IFT140: variants seen among roughly 807,000 people sequenced by gnomAD.
IFT140 encodes the protein intraflagellar transport 140.
IFT140 carries 133 observed loss-of-function variants against 164.6 expected under a neutral mutation model. The ratio of observed to expected loss-of-function variants is 0.81; its 90% CI spans 0.70 to 0.93. IFT140 has a LOEUF of 0.93. Ranked by LOEUF, IFT140 falls within the 40% of genes least tolerant of loss-of-function variation. IFT140 has a pLI of 0.00. For missense variants in IFT140, 2,045 were observed against 1,972.3 expected (o/e 1.04, Z -0.70); for synonymous variants, 860 against 817.3 (o/e 1.05, Z -0.89).
At chr16:1,549,843 C>A (rs914064784) in intron 19 of IFT140, among the ~76,000 whole-genome samples, 2 of 152,252 alleles carry the variant, frequency 1.3e-5, no homozygotes, top group Non-Finnish European at 2.9e-5. Flanking sequence ...TTGCTGTTTA[C>A]ACCTGATCTG....
intron 30 of IFT140, among the ~76,000 whole-genome samples, chr16:1,512,816 A>AG (rs2040212615): frequency 6.6e-6 from 1 of 152,208 alleles, no homozygotes; most frequent in Admixed American, 6.5e-5. Flanking sequence ...ACAACAAAAA[A>AG]GAAACCTTGT....
chr16:1,525,775 A>G (rs766041895), intron 21 of IFT140, 112 bp downstream of exon 21: 51 of 1,113,814 alleles, frequency 4.6e-5, no homozygotes, highest in Admixed American at 6.0e-5. Context: ...ACCCTGAGAC[A>G]GACGCCTCCT....
chr16:1,609,948 C>T (rs911516401), intron 2 of IFT140: 1 of 152,242 alleles, frequency 6.6e-6, no homozygotes, highest in Non-Finnish European at 1.5e-5. Context: ...TTATTCTAAC[C>T]GAAGTACTCC....
chr16:1,588,915 C>G (rs930139589), intron 7 of IFT140, among the ~76,000 whole-genome samples: 1 of 152,186 alleles, frequency 6.6e-6, no homozygotes, highest in Admixed American at 6.5e-5. Flanking sequence ...GCTGGTGCTC[C>G]CTCTCCCTCC....
In IFT140 at chr16:1,592,269, G is replaced by C; in HGVS notation, c.541C>G (p.Leu181Val). Reference sequence around the variant, plus strand: ...CTCTTCTTCCAGTTAAACATGTCCAGGGCTTTCTCATCACCGCTCACAGCT... The same window carrying C: ...CTCTTCTTCCAGTTAAACATGTCCACGGCTTTCTCATCACCGCTCACAGCT... ...KAAVSGDEKA[L>V]DMFNWKKSSS... is the part of the protein sequence containing the mutation. The change falls in exon 6 of 31, where the codon CTG becomes GTG. Residue 181 changes from leucine to valine, a missense_variant. By Grantham distance (32) the Leu-to-Val change is conservative. Coordinates refer to ENST00000426508, the MANE Select transcript of IFT140 (RefSeq NM_014714.4). The C allele has an allele frequency of 6.2e-7, 1 of 1,614,166 alleles. No homozygotes were observed. The highest frequency in any genetic ancestry group is 8.5e-7 in the Non-Finnish European group (1 of 1,180,042).
At chr16:1,552,349 C>T (rs981620208) in intron 19 of IFT140, among the ~76,000 whole-genome samples, 15 of 152,138 alleles carry the variant, frequency 9.9e-5, no homozygotes, top group African/African-American at 2.4e-4. Context: ...CCACCCCTCC[C>T]GCTCGCCTCT....
At chr16:1,608,254 C>T (rs536510833) in intron 2 of IFT140, among the ~76,000 whole-genome samples, 21 of 152,254 alleles carry the variant, frequency 1.4e-4, no homozygotes, top group South Asian at 6.2e-4. Context: ...AATAAAGTGA[C>T]GGTCTGGTTA....
chr16:1,513,668 TTTC>T (rs1287283225), intron 30 of IFT140, among the ~76,000 whole-genome samples: 19 of 87,496 alleles, frequency 2.2e-4, no homozygotes, highest in East Asian at 1.8e-3. Flanking sequence ...TTCTCACAAC[TTTC>T]TTTTTTTTTT....
At chr16:1,598,573 T>C (rs1425204304) in intron 4 of IFT140, among the ~76,000 whole-genome samples, 1 of 152,208 alleles carries the variant, frequency 6.6e-6, no homozygotes, top group East Asian at 1.9e-4. Flanking sequence ...CTGTTCTGGA[T>C]GAAAACACTC....
intron 30 of IFT140, among the ~76,000 whole-genome samples, chr16:1,513,895 C>A (rs62012850): frequency 0.02 from 2,714 of 138,202 alleles, 56 homozygotes; most frequent in Middle Eastern, 0.031. Flanking sequence ...AGATGGTCTC[C>A]ATCTCCTGAC....
chr16:1,587,706 G>C (rs2034961554), intron 8 of IFT140, among the ~76,000 whole-genome samples: 1 of 152,244 alleles, frequency 6.6e-6, no homozygotes, highest in Non-Finnish European at 1.5e-5. Context: ...GGCCACCTGG[G>C]GGTAAGGGGA....
chr16:1,572,443 G>A (rs566310983), intron 13 of IFT140, among the ~76,000 whole-genome samples: 101 of 152,264 alleles, frequency 6.6e-4, no homozygotes, highest in Non-Finnish European at 1.3e-3. Flanking sequence ...TCAGGAGATC[G>A]AGACCATCCA....
At chr16:1,516,183 A>G (rs1221865148) in intron 30 of IFT140, among the ~76,000 whole-genome samples, 2 of 146,874 alleles carry the variant, frequency 1.4e-5, no homozygotes, top group Non-Finnish European at 1.5e-5. Flanking sequence ...AAAAAACACC[A>G]GAAATGGATG....
chr16:1,560,830 G>C (rs372464902), intron 18 of IFT140, among the ~76,000 whole-genome samples: 1 of 152,240 alleles, frequency 6.6e-6, no homozygotes, highest in Non-Finnish European at 1.5e-5. Flanking sequence ...ATCCAGGTCC[G>C]AGTCTACAGG....
In IFT140 at chr16:1,587,198, C is replaced by T; in HGVS notation, c.1009G>A (p.Gly337Ser). 1.3e-6 allele frequency: 2 copies of T among 1,598,298 alleles called. No homozygotes were observed. Among genetic ancestry groups the T allele is most frequent in the Non-Finnish European group, 1.7e-6 (2 of 1,165,794 alleles). Reference protein sequence around the residue: ...MNCVCYCKVKGLLAAGTDRGR... With the variant: ...MNCVCYCKVKSLLAAGTDRGR... ...CTTGTGCCAGGCCAGGAAGCCTCACCTTTGACTTTACAGTAACACACACAG... is the reference window on the plus strand; with the variant it reads ...CTTGTGCCAGGCCAGGAAGCCTCACTTTTGACTTTACAGTAACACACACAG... The change falls in exon 9 of 31, where the codon GGT becomes AGT. Residue 337 changes from glycine to serine, a missense_variant and splice_region_variant. Coordinates refer to ENST00000426508, the MANE Select transcript of IFT140 (RefSeq NM_014714.4).
intron 18 of IFT140, 31 bp downstream of exon 18, chr16:1,561,954 A>AGT: frequency 6.5e-7 from 1 of 1,548,838 alleles, no homozygotes; most frequent in Non-Finnish European, 8.7e-7. Flanking sequence ...AGAGATCAGA[A>AGT]GACACCTGTG....
chr16:1,605,727 A>T (rs1421587251), intron 3 of IFT140, among the ~76,000 whole-genome samples: 12 of 152,110 alleles, frequency 7.9e-5, no homozygotes, highest in Admixed American at 7.9e-4. Flanking sequence ...ATGGAATATG[A>T]GGTGCACTGG....
intron 4 of IFT140, among the ~76,000 whole-genome samples, chr16:1,593,616 A>G (rs1434214477): frequency 1.3e-5 from 2 of 152,136 alleles, no homozygotes; most frequent in Non-Finnish European, 2.9e-5. Flanking sequence ...GGCCCTGGAC[A>G]GTGTGAGACC....
intron 4 of IFT140, among the ~76,000 whole-genome samples, chr16:1,597,551 C>G (rs908937666): frequency 2.0e-5 from 3 of 152,208 alleles, no homozygotes; most frequent in Non-Finnish European, 1.5e-5. Flanking sequence ...AGCAGGGAAG[C>G]GCCTTGCACC....
Sources: gnomAD v4.1 joint callset for allele counts (sites outside exome capture counted in the v4.1 genomes callset) on GRCh38, gnomAD v4.1.1 for gene constraint, MANE v1.5 for transcripts, NCBI Gene and HGNC (gene_info 2026-07-23, HGNC 2026-07-21) for gene names.